UGT1A10: variants seen among roughly 807,000 people sequenced by gnomAD.
UGT1A10 encodes UDP glucuronosyltransferase family 1 member A10.
Under a neutral mutation model 45.8 loss-of-function variants are expected in UGT1A10, and 49 were observed. The observed-to-expected ratio is 1.07, with a 90% confidence interval of 0.85 to 1.36. The LOEUF (loss-of-function observed/expected upper bound fraction) is 1.36, where lower values mean the gene tolerates loss of function less well. Among genes scored for constraint, UGT1A10 ranks in the 40% most tolerant of loss-of-function variants. The probability of loss-of-function intolerance (pLI) is 0.00; values close to 1 mark genes in which losing one functional copy is unlikely to be tolerated. For missense variants in UGT1A10, 745 were observed against 668.6 expected (o/e 1.11, Z -1.26); for synonymous variants, 284 against 249.7 (o/e 1.14, Z -1.29).
At chr2:233,742,031 C>T (rs1309709104) in intron 1 of UGT1A10, 1 of 151,878 alleles carries the variant, frequency 6.6e-6, no homozygotes, top group African/African-American at 2.4e-5. Context: ...TTTGATATGT[C>T]CCAAGCATAG....
intron 1 of UGT1A10, among the ~76,000 whole-genome samples, chr2:233,665,786 T>A (rs1054654385): frequency 6.6e-6 from 1 of 152,180 alleles, no homozygotes; most frequent in East Asian, 1.9e-4. Context: ...ATTTTATTCT[T>A]ATGGATAAAT....
At chr2:233,729,672 TAAGG>T (rs769537040) in intron 1 of UGT1A10, 1 of 1,613,976 alleles carries the variant, frequency 6.2e-7, no homozygotes, top group Non-Finnish European at 8.5e-7. Flanking sequence ...ATTTAGACTT[TAAGG>T]GCACACAGTG....
intron 1 of UGT1A10, among the ~76,000 whole-genome samples, chr2:233,681,049 CTTGTGGCTCACCTGTGTCACAA>C (rs1187980747): frequency 1.3e-4 from 19 of 151,900 alleles, no homozygotes; most frequent in Admixed American, 2.0e-4. Flanking sequence ...ACAAGCAGCA[CTTGTGGCTCACCTGTGTCACAA>C]TTGTGGCTCA....
chr2:233,770,138 C>T (rs1700024160), intron 4 of UGT1A10: 1 of 152,234 alleles, frequency 6.6e-6, no homozygotes. Context: ...TCCTCTAATA[C>T]ATTATTTTTT....
At position 233,637,108 on chromosome 2, in the gene UGT1A10, G is replaced by C; in HGVS notation, c.586G>C (p.Gly196Arg). The C allele has an allele frequency of 6.2e-6, 10 of 1,613,878 alleles. No individual in the cohort carries two copies. The highest frequency in any genetic ancestry group is 8.5e-6 in the Non-Finnish European group (10 of 1,179,854). ...PLSYVPNDLL[G>R]FSDAMTFKER... ...TTCCTATGTCCCCAATGATCTCTTA[G>C]GGTTCTCAGATGCCATGACTTTCAA... The change falls in exon 1 of 5, where the codon GGG becomes CGG. Residue 196 changes from glycine to arginine, a missense_variant. Coordinates refer to ENST00000344644, the MANE Select transcript of UGT1A10 (RefSeq NM_019075.4).
chr2:233,746,646 C>A (rs1278819744), intron 1 of UGT1A10, among the ~76,000 whole-genome samples: 2 of 151,736 alleles, frequency 1.3e-5, no homozygotes, highest in East Asian at 3.9e-4. Flanking sequence ...TCTAACTTGG[C>A]TTTCTGTCCC....
intron 1 of UGT1A10, among the ~76,000 whole-genome samples, chr2:233,674,262 A>G (rs894240612): frequency 2.6e-5 from 4 of 152,218 alleles, no homozygotes; most frequent in Non-Finnish European, 5.9e-5. Context: ...AAGCAGGAGG[A>G]CTACAGTTGT....
chr2:233,691,177 G>C, intron 1 of UGT1A10: 1 of 985,670 alleles, frequency 1.0e-6, no homozygotes, highest in South Asian at 4.7e-5. Context: ...ATGTCTGCCT[G>C]CTCAAGAAGG....
chr2:233,657,597 C>A (rs1471619613), intron 1 of UGT1A10, among the ~76,000 whole-genome samples: 2 of 152,172 alleles, frequency 1.3e-5, no homozygotes, highest in Non-Finnish European at 2.9e-5. Flanking sequence ...CCCACTAAGC[C>A]CCACCTCCAA....
intron 1 of UGT1A10, among the ~76,000 whole-genome samples, chr2:233,683,363 T>C (rs1265014296): frequency 6.6e-6 from 1 of 152,196 alleles, no homozygotes; most frequent in African/African-American, 2.4e-5. Flanking sequence ...TTGGATGCAA[T>C]GTAGTTTTCC....
At chr2:233,737,526 G>C (rs574961545) in intron 1 of UGT1A10, among the ~76,000 whole-genome samples, 8 of 152,286 alleles carry the variant, frequency 5.3e-5, no homozygotes, top group African/African-American at 1.9e-4. Context: ...GTGAGGCGAC[G>C]CCCTGCCCTG....
chr2:233,726,535 C>T (rs1400370552), intron 1 of UGT1A10, among the ~76,000 whole-genome samples: 1 of 152,142 alleles, frequency 6.6e-6, no homozygotes, highest in Admixed American at 6.6e-5. Flanking sequence ...TAGGGAGATG[C>T]AGTGCAGCGT....
At chr2:233,745,609 C>A (rs1421404648) in intron 1 of UGT1A10, among the ~76,000 whole-genome samples, 2 of 151,524 alleles carry the variant, frequency 1.3e-5, no homozygotes, top group Admixed American at 6.6e-5. Context: ...ACTTGGTAAG[C>A]ACACAATGAA....
chr2:233,760,680 G>A, intron 1 of UGT1A10: 1 of 1,614,136 alleles, frequency 6.2e-7, no homozygotes, highest in Non-Finnish European at 8.5e-7. Flanking sequence ...CCCACTTACT[G>A]CACAACAAGG....
At chr2:233,731,289 T>C (rs2078133665) in intron 1 of UGT1A10, among the ~76,000 whole-genome samples, 1 of 152,126 alleles carries the variant, frequency 6.6e-6, no homozygotes, top group East Asian at 1.9e-4. Context: ...TCTTTCTTTT[T>C]TTTTTTTTTA....
chr2:233,747,446 A>G (rs1037579291), intron 1 of UGT1A10: 7 of 1,608,790 alleles, frequency 4.4e-6, no homozygotes, highest in Admixed American at 3.3e-5. Flanking sequence ...TCACCCTGAC[A>G]ACCTATGCCA....
intron 1 of UGT1A10, among the ~76,000 whole-genome samples, chr2:233,667,742 A>G (rs2074107331): frequency 6.6e-6 from 1 of 152,224 alleles, no homozygotes; most frequent in South Asian, 2.1e-4. Context: ...GACCCTTCTC[A>G]AAAGAAGACA....
intron 1 of UGT1A10, among the ~76,000 whole-genome samples, chr2:233,750,457 C>T (rs542993869): frequency 6.6e-5 from 10 of 152,092 alleles, no homozygotes; most frequent in African/African-American, 2.4e-4. Flanking sequence ...AAACCAGCTA[C>T]AGAAATACTG....
rs2074250607 is a variant in UGT1A10, at chr2:233,673,103, C to T, written c.855+35726C>T. Among the ~76,000 whole-genome samples, 3 of 152,104 alleles carry T rather than the reference C, an allele frequency of 2.0e-5. No homozygotes were observed. In the South Asian group the frequency reaches 6.2e-4, roughly 32 times the overall value. ...TCCCTTTTTTGTTAATTCTATATGCCCGCCCCAGAGGAAATGGTCTTAGTT... is the reference window on the plus strand; with the variant it reads ...TCCCTTTTTTGTTAATTCTATATGCTCGCCCCAGAGGAAATGGTCTTAGTT... On this transcript the variant is annotated intron_variant, in intron 1 of 4. Coordinates refer to ENST00000344644, the MANE Select transcript of UGT1A10 (RefSeq NM_019075.4).
Sources: gnomAD v4.1 joint callset for allele counts (sites outside exome capture counted in the v4.1 genomes callset) on GRCh38, gnomAD v4.1.1 for gene constraint, MANE v1.5 for transcripts, NCBI Gene and HGNC (gene_info 2026-07-23, HGNC 2026-07-21) for gene names.